Variants in KDM2A observed in about 807,000 individuals in gnomAD.
KDM2A encodes the protein lysine demethylase 2A.
A neutral mutation model predicts 137.3 loss-of-function variants in KDM2A; 3 were observed. The observed-to-expected ratio is 0.02, with a 90% CI of 0.01 to 0.06. The LOEUF is 0.06. KDM2A is among the 10% of genes least tolerant of loss of function. KDM2A has a pLI of 1.00. For missense variants in KDM2A, 738 were observed against 1,510.6 expected (o/e 0.49, Z 8.48); for synonymous variants, 512 against 541.5 (o/e 0.95, Z 0.76).
Position 67,199,010 on chromosome 11 carries a change from CT to C in KDM2A, c.308-8499del, listed in dbSNP as rs1393710254. Among the ~76,000 whole-genome samples, 3 of 152,104 alleles carry C rather than the reference CT, an allele frequency of 2.0e-5. No individual in the cohort carries two copies. In the South Asian group the frequency reaches 6.2e-4, roughly 32 times the overall value. On this transcript the variant is annotated intron_variant, in intron 5 of 20. Coordinates refer to ENST00000529006, the MANE Select transcript of KDM2A (RefSeq NM_012308.3). ...GCCAGGGTGATCTTAAACTCCTGAC[CT>C]CAAGTGATTCACCCGCCTTGGCCTC...
chr11:67,228,175 G>A lies in KDM2A; in HGVS notation c.1084+12G>A. ...GTCCCTCAGCATGGGTAAGTATTCT[G>A]CCTATAGGAGCTTTGAAGACACCGC... On this transcript the variant is annotated intron_variant, in intron 11 of 20. Coordinates refer to ENST00000529006, the MANE Select transcript of KDM2A (RefSeq NM_012308.3). The A allele has an allele frequency of 6.2e-7, 1 of 1,613,182 alleles. No individual in the cohort carries two copies. Among genetic ancestry groups the A allele is most frequent in the Non-Finnish European group, 8.5e-7 (1 of 1,179,316 alleles).
intron 2 of KDM2A, among the ~76,000 whole-genome samples, chr11:67,154,026 T>A (rs1488277202): frequency 2.6e-5 from 4 of 152,182 alleles, no homozygotes; most frequent in Non-Finnish European, 5.9e-5. Flanking sequence ...AGATTTACGG[T>A]TATACTGAAG....
intron 2 of KDM2A, among the ~76,000 whole-genome samples, chr11:67,164,839 T>A (rs759752726): frequency 2.2e-4 from 34 of 152,098 alleles, no homozygotes; most frequent in Non-Finnish European, 4.0e-4. Context: ...TCTCAAGTGA[T>A]CTACCCACCT....
At chr11:67,208,941 A>T (rs552115604) in intron 6 of KDM2A, among the ~76,000 whole-genome samples, 60 of 148,646 alleles carry the variant, frequency 4.0e-4, no homozygotes, top group South Asian at 8.6e-4. Context: ...ATTATTTATT[A>T]TTTTTTTTTT....
At chr11:67,218,518 G>A (rs946220638) in intron 9 of KDM2A, among the ~76,000 whole-genome samples, 1 of 152,120 alleles carries the variant, frequency 6.6e-6, no homozygotes, top group Non-Finnish European at 1.5e-5. Context: ...AAATTCATAA[G>A]CCTTCTTAAA....
intron 9 of KDM2A, among the ~76,000 whole-genome samples, chr11:67,218,898 C>A (rs1051643071): frequency 1.3e-5 from 2 of 152,164 alleles, no homozygotes; most frequent in African/African-American, 4.8e-5. Flanking sequence ...CGTGAGCCCC[C>A]GCGCCAGGTC....
At chr11:67,170,386 GGTTTTTTTTTTTTCTTTCTTTCT>G (rs1856854329) in intron 2 of KDM2A, among the ~76,000 whole-genome samples, 1 of 144,866 alleles carries the variant, frequency 6.9e-6, no homozygotes, top group South Asian at 2.2e-4. Context: ...CCAAGCATGG[GGTTTTTTTTTTTTCTTTCTTTCT>G]TTTTTTTTTT....
chr11:67,126,350 G>A (rs1855731137), intron 2 of KDM2A, among the ~76,000 whole-genome samples: 1 of 152,056 alleles, frequency 6.6e-6, no homozygotes, highest in Admixed American at 6.6e-5. Context: ...CAGGGAGGGA[G>A]GATCACTTGA....
At chr11:67,213,936 T>A (rs1321839781) in intron 6 of KDM2A, among the ~76,000 whole-genome samples, 1 of 152,040 alleles carries the variant, frequency 6.6e-6, no homozygotes, top group Non-Finnish European at 1.5e-5. Flanking sequence ...GATCGTAGCT[T>A]ACTGCAGCCT....
intron 2 of KDM2A, among the ~76,000 whole-genome samples, chr11:67,148,473 T>G (rs565750290): frequency 6.6e-6 from 1 of 152,034 alleles, no homozygotes; most frequent in East Asian, 1.9e-4. Flanking sequence ...ACTCAAATAA[T>G]AGGTATCAAT....
At chr11:67,145,821 CCT>C (rs1251197213) in intron 2 of KDM2A, among the ~76,000 whole-genome samples, 1 of 151,620 alleles carries the variant, frequency 6.6e-6, no homozygotes, top group Non-Finnish European at 1.5e-5. Flanking sequence ...CATTTTCCTT[CCT>C]CTCTAACTCT....
intron 5 of KDM2A, among the ~76,000 whole-genome samples, chr11:67,188,361 A>T (rs1202992788): frequency 2.6e-5 from 4 of 151,862 alleles, no homozygotes; most frequent in Non-Finnish European, 5.9e-5. Flanking sequence ...AGGCGCCTGT[A>T]GTCCCAGCGA....
intron 15 of KDM2A, among the ~76,000 whole-genome samples, chr11:67,247,230 C>A (rs1467642390): frequency 6.1e-5 from 9 of 148,434 alleles, no homozygotes; most frequent in African/African-American, 2.0e-4. Context: ...GTTGGGATTA[C>A]AAGCACGTGC....
chr11:67,200,846 T>G (rs1304090168), intron 5 of KDM2A, among the ~76,000 whole-genome samples: 1 of 152,130 alleles, frequency 6.6e-6, no homozygotes, highest in Non-Finnish European at 1.5e-5. Flanking sequence ...GCAGTATTCA[T>G]TCTGTGGCCC....
At chr11:67,183,666 C>G (rs1452759236) in intron 5 of KDM2A, among the ~76,000 whole-genome samples, 1 of 152,172 alleles carries the variant, frequency 6.6e-6, no homozygotes, top group Non-Finnish European at 1.5e-5. Flanking sequence ...CCAACCAAGC[C>G]CATGACAAGC....
At chr11:67,203,662 G>A (rs1857715377) in intron 5 of KDM2A, among the ~76,000 whole-genome samples, 2 of 151,614 alleles carry the variant, frequency 1.3e-5, no homozygotes, top group South Asian at 4.2e-4. Flanking sequence ...GCTGAGGTGG[G>A]AGGATCACTT....
In KDM2A at chr11:67,233,468, A is replaced by G. The variant is rs1433812844; in HGVS notation, c.1479+1508A>G. On this transcript the variant is annotated intron_variant, in intron 12 of 20. Transcript: ENST00000529006. ...GGAGTTCAAGATCAGCCTGGCCAAG[A>G]TGGTAAAACCCCGTCTCTACTAAAA... Among the ~76,000 whole-genome samples the G allele has an allele frequency of 3.2e-5, 4 of 124,022 alleles. No individual in the cohort carries two copies. The East Asian group carries it at 9.8e-4, about 31-fold the overall frequency. 81.4% of individuals were successfully genotyped at this position (124,022 alleles called of 152,430 possible).
chr11:67,185,085 C>T (rs1857173987), intron 5 of KDM2A, among the ~76,000 whole-genome samples: 1 of 151,904 alleles, frequency 6.6e-6, no homozygotes, highest in South Asian at 2.1e-4. Context: ...TAAAGATGCT[C>T]AGAAAACTAA....
chr11:67,189,998 A>G (rs1330106708), intron 5 of KDM2A, among the ~76,000 whole-genome samples: 1 of 152,258 alleles, frequency 6.6e-6, no homozygotes, highest in Non-Finnish European at 1.5e-5. Context: ...TAGAAAAACA[A>G]TAGAGAAAAG....
Sources: gnomAD v4.1 joint callset for allele counts (sites outside exome capture counted in the v4.1 genomes callset) on GRCh38, gnomAD v4.1.1 for gene constraint, MANE v1.5 for transcripts, NCBI Gene and HGNC (gene_info 2026-07-23, HGNC 2026-07-21) for gene names.